The following MAGI1 variants were observed in gnomAD, a reference collection of about 807,000 sequenced individuals.
MAGI1 encodes membrane associated guanylate kinase, WW and PDZ domain containing 1, also known as membrane-associated guanylate kinase, WW and PDZ domain-containing protein 1.
A neutral mutation model predicts 139.9 loss-of-function variants in MAGI1; 58 were observed. The ratio of observed to expected loss-of-function variants is 0.41; its 90% CI spans 0.34 to 0.52. The LOEUF is 0.52. MAGI1 is among the 20% of genes least tolerant of loss of function. The pLI, the probability that MAGI1 is intolerant of heterozygous loss-of-function variation, is 0.12. For missense variants in MAGI1, 1,874 were observed against 1,901.6 expected (o/e 0.99, Z 0.27); for synonymous variants, 812 against 737.9 (o/e 1.10, Z -1.63).
intron 1 of MAGI1, among the ~76,000 whole-genome samples, chr3:65,650,353 T>C (rs1314134027): frequency 6.6e-6 from 1 of 152,134 alleles, no homozygotes; most frequent in African/African-American, 2.4e-5. Context: ...TCCACAACAA[T>C]GAAAAATCAT....
chr3:65,668,743 G>T (rs773597609), intron 1 of MAGI1, among the ~76,000 whole-genome samples: 1 of 150,886 alleles, frequency 6.6e-6, no homozygotes, highest in Admixed American at 6.6e-5. Flanking sequence ...TAGTAGAGAC[G>T]GGGTTTCACC....
chr3:65,828,563 C>T (rs964981270), intron 1 of MAGI1, among the ~76,000 whole-genome samples: 1 of 152,128 alleles, frequency 6.6e-6, no homozygotes, highest in African/African-American at 2.4e-5. Context: ...ACTTTCCAAA[C>T]CCCAAGGGCA....
intron 22 of MAGI1, 89 bp from the exon 23 acceptor site, chr3:65,357,221 G>T: frequency 1.5e-6 from 2 of 1,332,350 alleles, no homozygotes; most frequent in Non-Finnish European, 2.0e-6. Context: ...GACCTCATTA[G>T]TCACAACAAG....
At chr3:65,460,961 GGGTT>G (rs1949741239) in intron 5 of MAGI1, among the ~76,000 whole-genome samples, 1 of 152,108 alleles carries the variant, frequency 6.6e-6, no homozygotes, top group Non-Finnish European at 1.5e-5. Context: ...ATGGGCATTT[GGGTT>G]GGTTCCAAGT....
chr3:65,498,456 G>A (rs116767123), intron 2 of MAGI1, among the ~76,000 whole-genome samples: 2 of 151,834 alleles, frequency 1.3e-5, no homozygotes, highest in East Asian at 1.9e-4. Context: ...AATATATAAC[G>A]CTGGGAAAAA....
At chr3:65,853,784 G>A (rs974189430) in intron 1 of MAGI1, among the ~76,000 whole-genome samples, 1 of 152,128 alleles carries the variant, frequency 6.6e-6, no homozygotes, top group Non-Finnish European at 1.5e-5. Context: ...AAGCCTTCCA[G>A]GGAGAAAGTG....
chr3:65,950,059 C>CCAAAAAAAAA (rs2063729894), intron 1 of MAGI1, among the ~76,000 whole-genome samples: 1 of 13,460 alleles, frequency 7.4e-5, no homozygotes, highest in Non-Finnish European at 1.4e-4. Flanking sequence ...AAAAAAAAAA[C>CCAAAAAAAAA]AAAAAAACAA....
chr3:65,885,165 G>A (rs111366190), intron 1 of MAGI1, among the ~76,000 whole-genome samples: 2,637 of 152,226 alleles, frequency 0.017, 33 homozygotes, highest in Middle Eastern at 0.034. Flanking sequence ...TTGGGAGGCC[G>A]AGGTGGGCAG....
chr3:65,704,171 G>C (rs1362197385), intron 1 of MAGI1, among the ~76,000 whole-genome samples: 10 of 152,126 alleles, frequency 6.6e-5, no homozygotes, highest in Non-Finnish European at 1.2e-4. Flanking sequence ...AGTCCAGCTG[G>C]CTATCTGTTC....
intron 1 of MAGI1, among the ~76,000 whole-genome samples, chr3:65,799,422 T>C (rs914933962): frequency 6.6e-6 from 1 of 152,158 alleles, no homozygotes; most frequent in African/African-American, 2.4e-5. Flanking sequence ...TAGCGAATGG[T>C]TGTGCAGATT....
chr3:65,515,235 A>AC, intron 2 of MAGI1, among the ~76,000 whole-genome samples: 1 of 143,608 alleles, frequency 7.0e-6, no homozygotes. Flanking sequence ...GGTGCAGCAC[A>AC]CCAGCATGGC....
At chr3:65,491,162 G>A (rs1438754516) in intron 3 of MAGI1, among the ~76,000 whole-genome samples, 1 of 152,046 alleles carries the variant, frequency 6.6e-6, no homozygotes, top group African/African-American at 2.4e-5. Context: ...GGGTTTTTAG[G>A]AAAGAGTGTA....
intron 2 of MAGI1, among the ~76,000 whole-genome samples, chr3:65,511,295 C>T (rs1409802075): frequency 3.4e-5 from 5 of 149,118 alleles, no homozygotes; most frequent in African/African-American, 7.3e-5. Flanking sequence ...ATCAAATTCA[C>T]ACATAACAAT....
chr3:65,969,660 T>C (rs1489404441), intron 1 of MAGI1, among the ~76,000 whole-genome samples: 1 of 152,188 alleles, frequency 6.6e-6, no homozygotes, highest in Non-Finnish European at 1.5e-5. Context: ...TTACCACTGC[T>C]ATAGGGCTTT....
At chr3:65,372,144 G>C (rs1483926991) in intron 18 of MAGI1, among the ~76,000 whole-genome samples, 2 of 152,150 alleles carry the variant, frequency 1.3e-5, no homozygotes, top group African/African-American at 4.8e-5. Flanking sequence ...TCTATGGCAG[G>C]TATAGCCTTA....
intron 2 of MAGI1, among the ~76,000 whole-genome samples, chr3:65,496,342 T>C (rs1235991655): frequency 1.3e-5 from 2 of 152,146 alleles, no homozygotes; most frequent in Non-Finnish European, 2.9e-5. Context: ...ACACTCAGCT[T>C]GGTTTTCCTT....
At chr3:65,860,509 G>A (rs1027454921) in intron 1 of MAGI1, among the ~76,000 whole-genome samples, 9 of 152,182 alleles carry the variant, frequency 5.9e-5, no homozygotes, top group South Asian at 2.1e-4. Flanking sequence ...CAGCCCGCGC[G>A]TTCCCCTCCC....
intron 1 of MAGI1, among the ~76,000 whole-genome samples, chr3:65,725,049 T>C (rs1456615095): frequency 1.3e-5 from 2 of 152,218 alleles, no homozygotes. Context: ...TCTATTTCAT[T>C]TTTAAATCAC....
Position 65,542,681 on chromosome 3 carries a change from G to C in MAGI1, c.431-49050C>G, listed in dbSNP as rs1026451777. 4.6e-5 allele frequency among the ~76,000 whole-genome samples: 7 copies of C among 152,262 alleles called. No homozygotes were observed. In the South Asian group the frequency reaches 1.5e-3, roughly 32 times the overall value. On this transcript the variant is annotated intron_variant, in intron 2 of 22. Coordinates refer to ENST00000402939, the MANE Select transcript of MAGI1 (RefSeq NM_001033057.2). ...GACTCCCTATTTAATAAATGGTGCT[G>C]GGAAAACTGGCTAGCCATATGCAGA...
Sources: allele counts gnomAD v4.1 joint callset (sites outside exome capture counted in the v4.1 genomes callset), GRCh38; gene constraint gnomAD v4.1.1; transcripts MANE v1.5; gene names NCBI Gene and HGNC (gene_info 2026-07-23, HGNC 2026-07-21).